TEAD4: variants seen among roughly 807,000 people sequenced by gnomAD.
TEAD4 encodes the protein TEA domain transcription factor 4.
A neutral mutation model predicts 52.4 loss-of-function variants in TEAD4; 36 were observed. The ratio of observed to expected loss-of-function variants is 0.69; its 90% CI spans 0.53 to 0.91. TEAD4 has a LOEUF of 0.91. TEAD4 is among the 40% of genes least tolerant of loss of function. The pLI is 0.00. For synonymous variants in TEAD4, 220 were observed against 231.0 expected (o/e 0.95, Z 0.43); for missense variants, 508 against 583.9 (o/e 0.87, Z 1.34).
rs1427722433 is a variant in TEAD4 at position 2,959,478 on chromosome 12, C to T, written c.-126C>T. On this transcript the variant is annotated 5_prime_UTR_variant, in exon 1 of 13. Coordinates refer to ENST00000359864, the MANE Select transcript of TEAD4 (RefSeq NM_003213.4). The surrounding 1 kb of genome is among the most constrained non-coding windows in gnomAD (Gnocchi z 5.1). ...GCAGCTCCGGCGCCGCCGCGTCCCG[C>T]CAGGTGAGAGGCGCCCGCGCCCGCC... 1.4e-5 allele frequency: 2 copies of T among 147,268 alleles called. No individual in the cohort carries two copies. The highest frequency in any genetic ancestry group is 4.9e-5 in the African/African-American group (2 of 40,896). The allele number at this position is 147,268 out of a possible 1,614,324, so 9.1% of individuals were successfully genotyped here. A position where few individuals can be genotyped will look rare whatever the true frequency, so the allele number is the denominator to read the frequency against.
intron 2 of TEAD4, among the ~76,000 whole-genome samples, chr12:2,985,443 C>T (rs1472042072): frequency 1.4e-5 from 2 of 146,130 alleles, no homozygotes; most frequent in Admixed American, 6.9e-5. Context: ...TACAGCTGTA[C>T]AAAAATATTT....
chr12:2,987,048 G>A (rs1206654140), intron 2 of TEAD4, among the ~76,000 whole-genome samples: 1 of 152,202 alleles, frequency 6.6e-6, no homozygotes, highest in African/African-American at 2.4e-5. Flanking sequence ...CCGAGGAGGT[G>A]GAACAGGATA....
intron 3 of TEAD4, among the ~76,000 whole-genome samples, chr12:3,009,345 G>T (rs181359010): frequency 1.3e-5 from 2 of 152,226 alleles, no homozygotes; most frequent in Non-Finnish European, 1.5e-5. Flanking sequence ...CAGGAGAATC[G>T]CTTGAACCCG....
chr12:2,984,562 C>T (rs2098236553), intron 2 of TEAD4, among the ~76,000 whole-genome samples: 1 of 152,186 alleles, frequency 6.6e-6, no homozygotes, highest in African/African-American at 2.4e-5. Context: ...AGAAATGTGT[C>T]TCTTGGCGAT....
intron 2 of TEAD4, among the ~76,000 whole-genome samples, chr12:2,990,709 G>A (rs994418534): frequency 4.6e-5 from 7 of 151,974 alleles, no homozygotes; most frequent in African/African-American, 1.2e-4. Flanking sequence ...CAAGTGATCC[G>A]TCTGTCTCGG....
At chr12:3,021,647 T>C (rs1398303384) in intron 9 of TEAD4, among the ~76,000 whole-genome samples, 197 bp from the exon 10 acceptor site, 3 of 152,166 alleles carry the variant, frequency 2.0e-5, no homozygotes, top group Non-Finnish European at 4.4e-5. Flanking sequence ...ATGAACCAAA[T>C]AGACCTTTAC....
At chr12:2,961,658 C>G in intron 2 of TEAD4, among the ~76,000 whole-genome samples, 1 of 152,078 alleles carries the variant, frequency 6.6e-6, no homozygotes, top group Non-Finnish European at 1.5e-5. Context: ...CAGAAAGTTT[C>G]TTGTGAAAAG....
chr12:3,007,018 C>T lies in TEAD4; in HGVS notation c.227-3986C>T, dbSNP rs1412589273. On this transcript the variant is annotated intron_variant, in intron 3 of 12. Coordinates refer to ENST00000359864, the MANE Select transcript of TEAD4 (RefSeq NM_003213.4). Reference sequence around the variant, plus strand: ...CTTCAGCCTGGGCGACAGCGAGACTCCCTCTCAAAACAAAACAAAAAAGAA... The same window carrying T: ...CTTCAGCCTGGGCGACAGCGAGACTTCCTCTCAAAACAAAACAAAAAAGAA... 8.5e-5 allele frequency among the ~76,000 whole-genome samples: 13 copies of T among 152,188 alleles called. No homozygotes were observed. The East Asian group carries it at 2.5e-3, about 29-fold the overall frequency.
At chr12:2,964,447 ATTTC>A (rs912966932) in intron 2 of TEAD4, among the ~76,000 whole-genome samples, 7 of 147,440 alleles carry the variant, frequency 4.7e-5, no homozygotes, top group East Asian at 2.0e-4. Flanking sequence ...AACGTGAGGG[ATTTC>A]TTTCTTTCTT....
intron 3 of TEAD4, among the ~76,000 whole-genome samples, chr12:3,005,996 G>A (rs1222323281): frequency 6.6e-6 from 1 of 152,070 alleles, no homozygotes; most frequent in Non-Finnish European, 1.5e-5. Flanking sequence ...GAATAATAAC[G>A]TATTGCATTT....
At chr12:3,004,090 C>T (rs538972772) in intron 3 of TEAD4, among the ~76,000 whole-genome samples, 1 of 152,346 alleles carries the variant, frequency 6.6e-6, no homozygotes, top group Non-Finnish European at 1.5e-5. Context: ...TACGCTGGCT[C>T]CCACCAGCTG....
intron 2 of TEAD4, among the ~76,000 whole-genome samples, chr12:2,978,545 AG>A (rs2098231671): frequency 6.6e-6 from 1 of 152,006 alleles, no homozygotes; most frequent in Non-Finnish European, 1.5e-5. Context: ...CTGGGACTAT[AG>A]GCCTGCGCCA....
intron 2 of TEAD4, among the ~76,000 whole-genome samples, chr12:2,978,062 A>T (rs1408095918): frequency 2.0e-5 from 3 of 149,736 alleles, no homozygotes; most frequent in Non-Finnish European, 4.4e-5. Flanking sequence ...TGACCTGGGG[A>T]CTCTCCTGTC....
chr12:2,996,802 G>C (rs2079803), intron 3 of TEAD4, among the ~76,000 whole-genome samples: 5 of 152,074 alleles, frequency 3.3e-5, no homozygotes, highest in Admixed American at 6.5e-5. Flanking sequence ...TGCAGCCTCC[G>C]CCCCGTGGGT....
chr12:2,979,755 A>G (rs987798081), intron 2 of TEAD4, among the ~76,000 whole-genome samples: 7 of 152,294 alleles, frequency 4.6e-5, no homozygotes, highest in Admixed American at 3.3e-4. Flanking sequence ...GCAAGGCCCA[A>G]TCACATCTTA....
At chr12:2,989,588 A>G (rs1423927140) in intron 2 of TEAD4, among the ~76,000 whole-genome samples, 1 of 151,768 alleles carries the variant, frequency 6.6e-6, no homozygotes, top group African/African-American at 2.4e-5. Flanking sequence ...ACAGGCGCCC[A>G]CCACCACGCC....
At chr12:3,023,950 T>TC (rs2098270416) in intron 10 of TEAD4, among the ~76,000 whole-genome samples, 1 of 152,176 alleles carries the variant, frequency 6.6e-6, no homozygotes, top group African/African-American at 2.4e-5. Context: ...TATCTCGATG[T>TC]CAGGATTAAG....
intron 8 of TEAD4, among the ~76,000 whole-genome samples, chr12:3,020,383 GC>G (rs1489550705): frequency 4.9e-5 from 4 of 81,088 alleles, no homozygotes; most frequent in Non-Finnish European, 1.5e-4. Flanking sequence ...GTCTTGCTCG[GC>G]GGTTCCATGC....
At chr12:2,971,442 T>C (rs980620156) in intron 2 of TEAD4, among the ~76,000 whole-genome samples, 2 of 152,084 alleles carry the variant, frequency 1.3e-5, no homozygotes, top group Non-Finnish European at 2.9e-5. Flanking sequence ...TTTTGTTTTT[T>C]GCGGGTTTTA....
Sources: allele counts gnomAD v4.1 joint callset (sites outside exome capture counted in the v4.1 genomes callset), GRCh38; gene constraint gnomAD v4.1.1; non-coding constraint Gnocchi (gnomAD v3.1); transcripts MANE v1.5; gene names NCBI Gene and HGNC (gene_info 2026-07-23, HGNC 2026-07-21).